MFAP5: variants seen among roughly 807,000 people sequenced by gnomAD.
The protein encoded by MFAP5 is microfibrillar-associated protein 5.
MFAP5 carries 19 observed loss-of-function variants against 30.1 expected under a neutral mutation model. That is an observed-to-expected ratio of 0.63 (90% CI 0.44 to 0.93). The LOEUF (loss-of-function observed/expected upper bound fraction) is 0.93. Among genes scored for constraint, MFAP5 ranks in the 40% least tolerant of loss-of-function variants. MFAP5 has a pLI of 0.00. For synonymous variants in MFAP5, 92 were observed against 72.9 expected (o/e 1.26, Z -1.33); for missense variants, 210 against 221.3 (o/e 0.95, Z 0.32).
intron 6 of MFAP5, chr12:8,654,146 A>T (rs1484132576): frequency 1.1e-5 from 3 of 276,072 alleles, no homozygotes; most frequent in Non-Finnish European, 2.0e-5. Flanking sequence ...AAAAAAAAAA[A>T]TTCAGTCAAA....
At position 8,655,802 on chromosome 12, in the gene MFAP5, T is replaced by G. The variant is rs1243811047; in HGVS notation, c.123A>C (p.Thr41=). The G allele has an allele frequency of 6.2e-7, 1 of 1,611,682 alleles. No individual in the cohort carries two copies. Among genetic ancestry groups the G allele is most frequent in the Non-Finnish European group, 8.5e-7 (1 of 1,179,832 alleles). Reference sequence around the variant, plus strand: ...GTAGCTTACTAGGATCTTCTGTGAATGTTTCTGGAGTCGCTTGAGTCACAT... The same window carrying G: ...GTAGCTTACTAGGATCTTCTGTGAAGGTTTCTGGAGTCGCTTGAGTCACAT... ...GDDVTQATPE[T]FTEDPNLVND... The change falls in exon 4 of 10, where the codon ACA becomes ACC. Residue 41 remains threonine (T), a synonymous_variant. Coordinates refer to ENST00000359478, the MANE Select transcript of MFAP5 (RefSeq NM_003480.4).
At chr12:8,650,645 A>G in intron 7 of MFAP5, 56 bp from the exon 8 acceptor site, 1 of 1,430,730 alleles carries the variant, frequency 7.0e-7, no homozygotes, top group Non-Finnish European at 9.9e-7. Flanking sequence ...AGCATAAATG[A>G]AGGATTGAAG....
At chr12:8,658,127 T>C (rs969132765) in intron 3 of MFAP5, among the ~76,000 whole-genome samples, 1 of 152,152 alleles carries the variant, frequency 6.6e-6, no homozygotes, top group Non-Finnish European at 1.5e-5. Context: ...GGCATGCGTA[T>C]CACTTGAGGT....
intron 3 of MFAP5, among the ~76,000 whole-genome samples, chr12:8,656,215 A>G (rs1301420058): frequency 6.8e-6 from 1 of 147,916 alleles, no homozygotes; most frequent in Non-Finnish European, 1.5e-5. Context: ...CGCCCGCCAC[A>G]GCGCCCGGCT....
At chr12:8,654,811 G>A (rs1163216312) in intron 5 of MFAP5, among the ~76,000 whole-genome samples, 1 of 151,680 alleles carries the variant, frequency 6.6e-6, no homozygotes, top group Non-Finnish European at 1.5e-5. Context: ...CATGGTGGCA[G>A]GCGCCTGTAA....
Position 8,660,191 on chromosome 12 carries a change from A to AT in MFAP5, c.94+671dup, listed in dbSNP as rs36061194. Reference sequence around the variant, plus strand: ...GATTGACATGACTTCTTTTTTTCTAATTTTTTTTTTTTTTTTTTAGTCAGT... The same window carrying AT: ...GATTGACATGACTTCTTTTTTTCTAATTTTTTTTTTTTTTTTTTTAGTCAGT... On this transcript the variant is annotated intron_variant, in intron 3 of 9. Transcript: ENST00000359478. Among the ~76,000 whole-genome samples the AT allele has an allele frequency of 4.3e-3, 596 of 138,670 alleles. 2 individuals are homozygous for AT. The highest frequency in any genetic ancestry group is 8.4e-3 in the Admixed American group (116 of 13,740). 91.0% of individuals were successfully genotyped at this position (138,670 alleles called of 152,430 possible).
At position 8,662,095 on chromosome 12, in the gene MFAP5, A is replaced by G; in HGVS notation, c.10T>C (p.Leu4=). The G allele has an allele frequency of 6.2e-7, 1 of 1,613,716 alleles. No individual in the cohort carries two copies. Among genetic ancestry groups the G allele is most frequent in the Non-Finnish European group, 8.5e-7 (1 of 1,180,002 alleles). MSL[L]GPKVLLFLAA... is the part of the protein sequence containing the mutation. ...AGAAACAGCAGCACCTTGGGTCCCA[A>G]GAGCGACATATCTATAGGGGTGGTG... The change falls in exon 2 of 10, where the codon TTG becomes CTG. Residue 4 remains leucine, a synonymous_variant. Coordinates refer to ENST00000359478, the MANE Select transcript of MFAP5 (RefSeq NM_003480.4).
At chr12:8,649,457 C>T (rs1186969429) in intron 9 of MFAP5, 44 bp downstream of exon 9, 1 of 1,567,808 alleles carries the variant, frequency 6.4e-7, no homozygotes, top group South Asian at 1.1e-5. Flanking sequence ...ATCTACCCTT[C>T]TCATAACTGC....
rs769980641 is a variant in MFAP5, at chr12:8,649,475, C to T, written c.409+26G>A. The T allele has an allele frequency of 3.7e-6, 6 of 1,602,822 alleles. No homozygotes were observed. In the South Asian group the frequency reaches 6.6e-5, roughly 18 times the overall value. ...TACCCTTCTCATAACTGCTTCTCTC[C>T]ATTAAACATCCAGACATCATCTTAC... is the stretch of plus-strand genomic sequence containing the variant. On this transcript the variant is annotated intron_variant, in intron 9 of 9. Transcript: ENST00000359478.
intron 9 of MFAP5, 191 bp from the exon 10 acceptor site, chr12:8,648,394 A>C (rs769722268): frequency 1.5e-4 from 137 of 938,052 alleles, no homozygotes; most frequent in Admixed American, 3.1e-4. Flanking sequence ...AATTTTATAA[A>C]CCTCACTATC....
intron 5 of MFAP5, among the ~76,000 whole-genome samples, chr12:8,655,069 G>A (rs1941944766): frequency 6.6e-6 from 1 of 152,160 alleles, no homozygotes; most frequent in Non-Finnish European, 1.5e-5. Flanking sequence ...GCTGAGGCCA[G>A]GAGTTCAAGA....
At position 8,646,312 on chromosome 12, in the gene MFAP5, C is replaced by T. The variant is rs1941679116; in HGVS notation, c.*1779G>A. ...TAACAGCAAGAATCTGATCATTTAA[C>T]TAGTTTTCTCAGCAATATAAAAGGA... On this transcript the variant is annotated 3_prime_UTR_variant, in exon 10 of 10. Transcript: ENST00000359478. 1 of 152,106 alleles carries T rather than the reference C, an allele frequency of 6.6e-6. No individual in the cohort carries two copies. Among genetic ancestry groups the T allele is most frequent in the African/African-American group, 2.4e-5 (1 of 41,414 alleles). The allele number at this position is 152,106 out of a possible 1,614,324, so 9.4% of individuals were successfully genotyped here.
intron 3 of MFAP5, 139 bp from the exon 4 acceptor site, chr12:8,655,969 T>C (rs1232276810): frequency 4.3e-6 from 3 of 699,588 alleles, no homozygotes; most frequent in Non-Finnish European, 5.0e-6. Context: ...CTGCTTACAA[T>C]AATGACAAAC....
rs749892386 is a variant in MFAP5, at chr12:8,656,284, G to C, written c.95-454C>G. On this transcript the variant is annotated intron_variant, in intron 3 of 9. Coordinates refer to ENST00000359478, the MANE Select transcript of MFAP5 (RefSeq NM_003480.4). ...ACCGTGGTCTCGATCTCCTGACCTC[G>C]TGAACCGCCCCCCTCGGCCTCCCAA... Among the ~76,000 whole-genome samples the C allele has an allele frequency of 3.5e-3, 537 of 151,754 alleles. 1 individual carries two copies. The highest frequency in any genetic ancestry group is 0.012 in the South Asian group (58 of 4,808).
chr12:8,655,536 G>C (rs2136470813), intron 4 of MFAP5, 89 bp from the exon 5 acceptor site: 1 of 1,339,472 alleles, frequency 7.5e-7, no homozygotes, highest in African/African-American at 1.5e-5. Context: ...TCTCAAAGGA[G>C]GCAAGAAAGG....
chr12:8,654,207 T>C, intron 6 of MFAP5: 1 of 453,848 alleles, frequency 2.2e-6, no homozygotes, highest in East Asian at 3.3e-5. Flanking sequence ...TACTTTTATC[T>C]TGCCTTTACC....
At chr12:8,662,017 G>A (rs747344832) in intron 2 of MFAP5, 30 bp downstream of exon 2, 7 of 1,605,218 alleles carry the variant, frequency 4.4e-6, no homozygotes, top group Middle Eastern at 1.7e-4. Flanking sequence ...AGGAGCTGAG[G>A]GTTTAGGGAG....
rs918435549 is a variant in MFAP5 at position 8,646,959 on chromosome 12, C to G, written c.*1132G>C. ...AGTACTAAGATAAATTTAACCTTCTCATTTTAAAGATGAGGAAATTAAACC... is the reference window on the plus strand; with the variant it reads ...AGTACTAAGATAAATTTAACCTTCTGATTTTAAAGATGAGGAAATTAAACC... On this transcript the variant is annotated 3_prime_UTR_variant, in exon 10 of 10. Coordinates refer to ENST00000359478, the MANE Select transcript of MFAP5 (RefSeq NM_003480.4). The G allele has an allele frequency of 3.9e-5, 6 of 152,142 alleles. No homozygotes were observed. Among genetic ancestry groups the G allele is most frequent in the African/African-American group, 1.4e-4 (6 of 41,434 alleles). The allele number at this position is 152,142 out of a possible 1,614,324, so 9.4% of individuals were successfully genotyped here.
Position 8,648,056 on chromosome 12 carries a change from C to G in MFAP5, c.*35G>C, listed in dbSNP as rs370511429. On this transcript the variant is annotated 3_prime_UTR_variant, in exon 10 of 10. Coordinates refer to ENST00000359478, the MANE Select transcript of MFAP5 (RefSeq NM_003480.4). ...AGAAGGAGATCCTCCTTCCTCTCACCCATACATTTTTTCTTCTTTCCTCTT... is the reference window on the plus strand; with the variant it reads ...AGAAGGAGATCCTCCTTCCTCTCACGCATACATTTTTTCTTCTTTCCTCTT... The G allele has an allele frequency of 7.3e-5, 109 of 1,489,568 alleles. No homozygotes were observed. Among genetic ancestry groups the G allele is most frequent in the African/African-American group, 2.2e-4 (16 of 72,354 alleles). The allele number at this position is 1,489,568 out of a possible 1,614,324, so 92.3% of individuals were successfully genotyped here.
Sources: gnomAD v4.1 joint callset for allele counts (sites outside exome capture counted in the v4.1 genomes callset) on GRCh38, gnomAD v4.1.1 for gene constraint, MANE v1.5 for transcripts, NCBI Gene and HGNC (gene_info 2026-07-23, HGNC 2026-07-21) for gene names.